SYNE1: variants seen among roughly 807,000 people sequenced by gnomAD.
The protein encoded by SYNE1 is spectrin repeat containing nuclear envelope protein 1, also known as nesprin-1.
Under a neutral mutation model 1,111.0 loss-of-function variants are expected in SYNE1, and 616 were observed. The ratio of observed to expected loss-of-function variants is 0.55; its 90% CI spans 0.52 to 0.59. The LOEUF (loss-of-function observed/expected upper bound fraction) is 0.59. Ranked by LOEUF, SYNE1 falls within the 20% of genes least tolerant of loss-of-function variation. The pLI is 0.00. For missense variants in SYNE1, 10,006 were observed against 10,417.0 expected (o/e 0.96, Z 1.72); for synonymous variants, 3,855 against 3,825.8 (o/e 1.01, Z -0.28).
Position 152,436,018 on chromosome 6 carries a change from T to C in SYNE1, c.4233A>G (p.Gln1411=), listed in dbSNP as rs547338931. 52 of 1,614,162 alleles carry C rather than the reference T, an allele frequency of 3.2e-5. No homozygotes were observed. The South Asian group carries it at 4.8e-4, about 15-fold the overall frequency. ...KEASEIPLGP[Q]NKQLLQQQAK... ...CCTGCTGTTGAAGCAGCTGCTTATT[T>C]TGGGGCCCAAGCGGTATCTCTGAAG... The change falls in exon 33 of 146, where the codon CAA becomes CAG. Residue 1411 remains glutamine (Q), a synonymous_variant. Transcript: ENST00000367255.
Position 152,122,457 on chromosome 6 carries a change from C to T in SYNE1, c.26373G>A (p.Thr8791=), listed in dbSNP as rs370645510. The T allele has an allele frequency of 1.2e-5, 19 of 1,614,128 alleles. No homozygotes were observed. The African/African-American group carries it at 1.9e-4, about 16-fold the overall frequency. The part of the protein sequence containing the change: ...ARSFHPMLRY[T]NGPPPL The stretch of plus-strand genomic sequence containing the variant: ...TAGTTCAGAGTGGAGGAGGGCCATT[C>T]GTGTATCTGAGCATGGGGTGGAATG... Residue 8791 remains threonine (T), a synonymous_variant, in exon 146 of 146, where the codon ACG becomes ACA. Coordinates refer to ENST00000367255, the MANE Select transcript of SYNE1 (RefSeq NM_182961.4).
rs372175486 is a variant in SYNE1 at position 152,468,357 on chromosome 6, GT to G, written c.1633-2280del. ...CACACAGTCCACAATTTCAAGAGCT[GT>G]TTTTTTTTCTTTCATGTGAAAGATT... On this transcript the variant is annotated intron_variant, in intron 16 of 145. Coordinates refer to ENST00000367255, the MANE Select transcript of SYNE1 (RefSeq NM_182961.4). 9.5e-3 allele frequency among the ~76,000 whole-genome samples: 1,438 copies of G among 151,030 alleles called. 14 individuals carry two copies. The highest frequency in any genetic ancestry group is 0.013 in the Admixed American group (204 of 15,154).
intron 126 of SYNE1, among the ~76,000 whole-genome samples, chr6:152,202,346 C>CAAAAAAAAAAAAAAAAAAAAA (rs35563822): frequency 2.7e-4 from 13 of 48,044 alleles, no homozygotes; most frequent in Non-Finnish European, 4.3e-4. Context: ...GACTCTGTCT[C>CAAAAAAAAAAAAAAAAAAAAA]AAAAAAAAAA....
chr6:152,552,122 T>G (rs1041353972), intron 3 of SYNE1, among the ~76,000 whole-genome samples: 2 of 152,110 alleles, frequency 1.3e-5, no homozygotes, highest in African/African-American at 4.8e-5. Flanking sequence ...CATTGTTTGG[T>G]GTGGAATGGG....
chr6:152,485,074 C>T (rs2098932063), intron 12 of SYNE1, 102 bp from the exon 13 acceptor site: 2 of 1,271,256 alleles, frequency 1.6e-6, no homozygotes, highest in East Asian at 2.5e-5. Flanking sequence ...TTGGATAACA[C>T]TCAATATATG....
In SYNE1 at chr6:152,587,183, G is replaced by T. The variant is rs1582975151; in HGVS notation, c.67+41082C>A. 2.6e-5 allele frequency among the ~76,000 whole-genome samples: 4 copies of T among 152,250 alleles called. No homozygotes were observed. In the South Asian group the frequency reaches 8.3e-4, roughly 32 times the overall value. On this transcript the variant is annotated intron_variant, in intron 3 of 145. Coordinates refer to ENST00000367255, the MANE Select transcript of SYNE1 (RefSeq NM_182961.4). ...CAGATAGAGATACTCCTATCCTAAA[G>T]ATTTGGGTAGGAGTATGATTATTTT...
At chr6:152,242,806 G>GA (rs918498291) in intron 106 of SYNE1, among the ~76,000 whole-genome samples, 13 of 150,796 alleles carry the variant, frequency 8.6e-5, no homozygotes, top group South Asian at 6.3e-4. Context: ...CGGAGAAACT[G>GA]AAAAAAAACT....
rs191206824 is a variant in SYNE1 at position 152,261,420 on chromosome 6, C to G, written c.18972+612G>C. Among the ~76,000 whole-genome samples the G allele has an allele frequency of 1.4e-3, 220 of 152,298 alleles. 2 individuals are homozygous for G. The highest frequency in any genetic ancestry group is 4.2e-3 in the African/African-American group (175 of 41,564). On this transcript the variant is annotated intron_variant, in intron 101 of 145. Transcript: ENST00000367255. Reference sequence around the variant, plus strand: ...AGTAATAGCCATTATCTGGAACCATCTGTTGCTGTCTTCAATTCCCTTGGA... The same window carrying G: ...AGTAATAGCCATTATCTGGAACCATGTGTTGCTGTCTTCAATTCCCTTGGA...
At chr6:152,560,033 C>G (rs938695411) in intron 3 of SYNE1, among the ~76,000 whole-genome samples, 2 of 151,982 alleles carry the variant, frequency 1.3e-5, no homozygotes, top group Non-Finnish European at 1.5e-5. Context: ...ATTCCAGACA[C>G]GTACAATCTA....
intron 93 of SYNE1, among the ~76,000 whole-genome samples, chr6:152,299,444 A>T (rs2095055326): frequency 1.3e-5 from 2 of 152,138 alleles, no homozygotes; most frequent in Non-Finnish European, 2.9e-5. Context: ...GTTTCCTCTG[A>T]TCACATTGTT....
chr6:152,274,290 C>T (rs1416064385), intron 98 of SYNE1, among the ~76,000 whole-genome samples: 1 of 152,090 alleles, frequency 6.6e-6, no homozygotes, highest in Non-Finnish European at 1.5e-5. Context: ...ATCTATTTAC[C>T]CAACACAGAG....
chr6:152,473,797 A>AGCTAG (rs1260459872), intron 14 of SYNE1, among the ~76,000 whole-genome samples: 1 of 152,222 alleles, frequency 6.6e-6, no homozygotes, highest in Non-Finnish European at 1.5e-5. Flanking sequence ...TTATCACCCC[A>AGCTAG]GCTAGCTCTG....
chr6:152,452,122 T>A (rs1295335905), intron 25 of SYNE1, among the ~76,000 whole-genome samples: 1 of 152,168 alleles, frequency 6.6e-6, no homozygotes, highest in Non-Finnish European at 1.5e-5. Context: ...CTACATAACA[T>A]TTCATGTTCT....
chr6:152,555,626 A>C (rs1261558237), intron 3 of SYNE1, among the ~76,000 whole-genome samples: 5 of 152,192 alleles, frequency 3.3e-5, no homozygotes, highest in African/African-American at 4.8e-5. Flanking sequence ...TTAAGCAAGT[A>C]TATTATTTCA....
chr6:152,601,799 G>A (rs1052514539), intron 3 of SYNE1, among the ~76,000 whole-genome samples: 6 of 152,192 alleles, frequency 3.9e-5, no homozygotes, highest in African/African-American at 1.2e-4. Flanking sequence ...TAGATGAAAT[G>A]AGAACATCTA....
chr6:152,607,654 A>C lies in SYNE1; in HGVS notation c.67+20611T>G, dbSNP rs140910989. Among the ~76,000 whole-genome samples the C allele has an allele frequency of 4.3e-3, 656 of 152,278 alleles. 3 individuals carry two copies. The highest frequency in any genetic ancestry group is 0.013 in the African/African-American group (537 of 41,552). On this transcript the variant is annotated intron_variant, in intron 3 of 145. Transcript: ENST00000367255. ...GGTGATTCCTCAAGGAATCAGAAAT[A>C]CCATTTGACCCAACAATCCCATTAC...
intron 51 of SYNE1, among the ~76,000 whole-genome samples, chr6:152,394,151 T>G (rs1357992307): frequency 3.3e-5 from 5 of 152,356 alleles, no homozygotes; most frequent in African/African-American, 9.6e-5. Context: ...GCAAAGGACA[T>G]GAAACTCATC....
chr6:152,325,176 A>G lies in SYNE1; in HGVS notation c.15565T>C (p.Trp5189Arg). 1 of 1,614,240 alleles carries G rather than the reference A, an allele frequency of 6.2e-7. No individual in the cohort carries two copies. ...ATLSRSMTTV[W>R]QRWTRLRAVA... ...GCTCGAAGGCGTGTCCAGCGCTGCC[A>G]GACGGTGGTCATTGACCTGCTCAGG... is the stretch of plus-strand genomic sequence containing the variant. Residue 5189 changes from tryptophan (W) to arginine (R), a missense_variant, in exon 81 of 146, where the codon TGG (tryptophan) becomes CGG (arginine). By Grantham distance (101) the Trp-to-Arg change is moderately radical (BLOSUM62 -3). Transcript: ENST00000367255.
intron 69 of SYNE1, 50 bp downstream of exon 69, chr6:152,353,213 A>G: frequency 6.2e-7 from 1 of 1,607,274 alleles, no homozygotes; most frequent in Non-Finnish European, 8.5e-7. Context: ...AGAATGGGGC[A>G]GCTTGGTGAA....
Sources: gnomAD v4.1 joint callset for allele counts (sites outside exome capture counted in the v4.1 genomes callset) on GRCh38, gnomAD v4.1.1 for gene constraint, MANE v1.5 for transcripts, NCBI Gene and HGNC (gene_info 2026-07-23, HGNC 2026-07-21) for gene names.